CNTN6: variants seen among roughly 807,000 people sequenced by gnomAD.
CNTN6 encodes the protein contactin-6.
In CNTN6, 137 loss-of-function variants were observed where a neutral mutation model predicts 122.8. The observed-to-expected ratio is 1.12, with a 90% CI of 0.97 to 1.29. CNTN6 has a LOEUF of 1.29. Ranked by LOEUF, CNTN6 falls within the 50% of genes most tolerant of loss-of-function variation. The probability of loss-of-function intolerance (pLI) is 0.00; values close to 1 mark genes in which losing one functional copy is unlikely to be tolerated. For missense variants in CNTN6, 1,634 were observed against 1,223.4 expected, an observed-to-expected ratio of 1.34 and a Z score of -5.01; for synonymous variants, 570 against 426.0, an observed-to-expected ratio of 1.34 and a Z score of -4.16.
chr3:1,122,373 A>AG (rs11459396), intron 1 of CNTN6, among the ~76,000 whole-genome samples: 11,221 of 147,562 alleles, frequency 0.076, 1,485 homozygotes, highest in African/African-American at 0.27. Flanking sequence ...GAAGGAAGGA[A>AG]GGAAGGGAGG....
At chr3:1,103,089 G>C (rs1309342402) in intron 1 of CNTN6, among the ~76,000 whole-genome samples, 1 of 152,062 alleles carries the variant, frequency 6.6e-6, no homozygotes, top group Non-Finnish European at 1.5e-5. Context: ...CTGGGCGACA[G>C]AGCCAGACTC....
At chr3:1,232,619 G>T (rs763182866) in intron 4 of CNTN6, among the ~76,000 whole-genome samples, 4 of 152,180 alleles carry the variant, frequency 2.6e-5, no homozygotes, top group Admixed American at 6.5e-5. Flanking sequence ...AGGCACAGAA[G>T]AATGAACTAG....
At chr3:1,307,911 C>T (rs1033615677) in intron 7 of CNTN6, among the ~76,000 whole-genome samples, 1 of 152,090 alleles carries the variant, frequency 6.6e-6, no homozygotes, top group African/African-American at 2.4e-5. Context: ...CCTTGATTAC[C>T]TGGCTGAAAT....
At chr3:1,360,077 T>A (rs1707231592) in intron 12 of CNTN6, among the ~76,000 whole-genome samples, 1 of 152,106 alleles carries the variant, frequency 6.6e-6, no homozygotes, top group South Asian at 2.1e-4. Context: ...TTTTGAGAAA[T>A]AATCCAAGAG....
At chr3:1,112,979 G>C (rs554528470) in intron 1 of CNTN6, among the ~76,000 whole-genome samples, 1 of 152,206 alleles carries the variant, frequency 6.6e-6, no homozygotes, top group Admixed American at 6.5e-5. Context: ...GGTAATAATG[G>C]AGCCCCCACT....
chr3:1,202,545 AATAAATAAAT>A (rs1184289410), intron 2 of CNTN6, among the ~76,000 whole-genome samples: 1 of 70,400 alleles, frequency 1.4e-5, no homozygotes, highest in African/African-American at 4.3e-5. Context: ...CGTCTCAAAA[AATAAATAAAT>A]AAATAAATAA....
At chr3:1,283,392 A>C (rs1322800764) in intron 5 of CNTN6, among the ~76,000 whole-genome samples, 1 of 152,174 alleles carries the variant, frequency 6.6e-6, no homozygotes, top group African/African-American at 2.4e-5. Context: ...AGCTTTTGTT[A>C]AATTTCAGTC....
intron 1 of CNTN6, among the ~76,000 whole-genome samples, chr3:1,103,156 A>C (rs1224107585): frequency 6.6e-6 from 1 of 152,178 alleles, no homozygotes; most frequent in Non-Finnish European, 1.5e-5. Context: ...TGCTGAGATG[A>C]AAAAGTTTCT....
intron 1 of CNTN6, among the ~76,000 whole-genome samples, chr3:1,134,748 T>A (rs2092429556): frequency 6.6e-6 from 1 of 152,290 alleles, no homozygotes; most frequent in South Asian, 2.1e-4. Flanking sequence ...TGAGACAATT[T>A]ATTTAAGAAA....
At chr3:1,334,436 A>G (rs1222988157) in intron 11 of CNTN6, among the ~76,000 whole-genome samples, 1 of 151,990 alleles carries the variant, frequency 6.6e-6, no homozygotes, top group Non-Finnish European at 1.5e-5. Context: ...AAATAATATG[A>G]AAACAACTTT....
chr3:1,381,781 C>G (rs1484927111), intron 17 of CNTN6, among the ~76,000 whole-genome samples: 6 of 152,062 alleles, frequency 3.9e-5, no homozygotes, highest in Non-Finnish European at 8.8e-5. Flanking sequence ...CTACTTTTTG[C>G]CTGCTCTGTG....
chr3:1,097,199 G>A (rs926648992), intron 1 of CNTN6, among the ~76,000 whole-genome samples: 2 of 152,192 alleles, frequency 1.3e-5, no homozygotes, highest in African/African-American at 4.8e-5. Flanking sequence ...TTCTGATAAT[G>A]TCCCCTATTA....
intron 20 of CNTN6, among the ~76,000 whole-genome samples, chr3:1,386,622 T>G (rs562899855): frequency 6.6e-6 from 1 of 152,110 alleles, no homozygotes; most frequent in African/African-American, 2.4e-5. Context: ...TTTTTGTGGT[T>G]GAATAATATT....
At chr3:1,364,196 A>G (rs1024366628) in intron 12 of CNTN6, among the ~76,000 whole-genome samples, 1 of 151,976 alleles carries the variant, frequency 6.6e-6, no homozygotes, top group Non-Finnish European at 1.5e-5. Context: ...CATTAGAAAA[A>G]AGACCAATTT....
rs562119316 is a variant in CNTN6, at chr3:1,273,804, A to G, written c.359-4609A>G. 9.2e-5 allele frequency among the ~76,000 whole-genome samples: 14 copies of G among 152,328 alleles called. 1 individual carries two copies. The South Asian group carries it at 2.7e-3, about 29-fold the overall frequency. ...TTGTAATCATAAAAGGCACAGAGAA[A>G]TTATGTCACAAGCGGATGCTATTTA... On this transcript the variant is annotated intron_variant, in intron 4 of 22. Coordinates refer to ENST00000446702, the MANE Select transcript of CNTN6 (RefSeq NM_001289080.2).
chr3:1,263,368 C>A (rs1205169777), intron 4 of CNTN6, among the ~76,000 whole-genome samples: 1 of 152,130 alleles, frequency 6.6e-6, no homozygotes, highest in Non-Finnish European at 1.5e-5. Flanking sequence ...CTCCCCTGGG[C>A]CCCAGTCTCT....
At chr3:1,122,366 G>A (rs992756197) in intron 1 of CNTN6, among the ~76,000 whole-genome samples, 3 of 139,136 alleles carry the variant, frequency 2.2e-5, no homozygotes, top group East Asian at 2.0e-4. Flanking sequence ...GAAGGAGGAA[G>A]GAAGGAAGGA....
intron 2 of CNTN6, among the ~76,000 whole-genome samples, chr3:1,193,714 C>A (rs1243743944): frequency 6.6e-6 from 1 of 152,090 alleles, no homozygotes; most frequent in African/African-American, 2.4e-5. Context: ...CAGTCCACTA[C>A]AGGTAGTGCT....
At chr3:1,396,407 A>G (rs946421517) in intron 20 of CNTN6, among the ~76,000 whole-genome samples, 1 of 152,198 alleles carries the variant, frequency 6.6e-6, no homozygotes, top group Non-Finnish European at 1.5e-5. Flanking sequence ...CAGTGTTGGA[A>G]AAAGTTGGAA....
Sources: allele counts gnomAD v4.1 joint callset (sites outside exome capture counted in the v4.1 genomes callset), GRCh38; gene constraint gnomAD v4.1.1; transcripts MANE v1.5; gene names NCBI Gene and HGNC (gene_info 2026-07-23, HGNC 2026-07-21).